The following PRKCH variants were observed in gnomAD, a reference collection of about 807,000 sequenced individuals.
PRKCH encodes protein kinase C eta.
A neutral mutation model predicts 82.5 loss-of-function variants in PRKCH; 28 were observed. That is an observed-to-expected ratio of 0.34 (90% CI 0.25 to 0.47). The LOEUF (loss-of-function observed/expected upper bound fraction) is 0.47. PRKCH is among the 20% of genes least tolerant of loss of function. The probability of loss-of-function intolerance (pLI) is 1.00; values close to 1 mark genes in which losing one functional copy is unlikely to be tolerated. For missense variants in PRKCH, 705 were observed against 881.8 expected, an observed-to-expected ratio of 0.80 and a Z score of 2.54; for synonymous variants, 322 against 327.4, an observed-to-expected ratio of 0.98 and a Z score of 0.18.
At chr14:61,450,751 C>T in intron 5 of PRKCH, 91 bp from the exon 6 acceptor site, 1 of 1,467,884 alleles carries the variant, frequency 6.8e-7, no homozygotes, top group Non-Finnish European at 9.3e-7. Context: ...GTCATAGTGA[C>T]ACTTTGCATT....
intron 9 of PRKCH, among the ~76,000 whole-genome samples, chr14:61,466,573 G>C (rs1164290137): frequency 6.6e-6 from 1 of 152,230 alleles, no homozygotes; most frequent in Non-Finnish European, 1.5e-5. Flanking sequence ...CTGAGGCTTT[G>C]TTCGGAGACC....
chr14:61,334,234 T>A (rs2140130449), intron 1 of PRKCH, among the ~76,000 whole-genome samples: 1 of 152,044 alleles, frequency 6.6e-6, no homozygotes, highest in East Asian at 1.9e-4. Context: ...CTGTTCTAGG[T>A]GTTACAGGTA....
intron 1 of PRKCH, among the ~76,000 whole-genome samples, chr14:61,369,462 C>T (rs999533024): frequency 6.6e-6 from 1 of 152,066 alleles, no homozygotes; most frequent in Non-Finnish European, 1.5e-5. Flanking sequence ...TTTTTGTTTG[C>T]TTTGCTTCGC....
intron 1 of PRKCH, among the ~76,000 whole-genome samples, chr14:61,341,442 G>A (rs1022233128): frequency 6.6e-6 from 1 of 152,072 alleles, no homozygotes; most frequent in Non-Finnish European, 1.5e-5. Context: ...CCATAAACAG[G>A]CCTGAGCATG....
At chr14:61,453,810 T>C (rs1334553725) in intron 7 of PRKCH, among the ~76,000 whole-genome samples, 1 of 151,704 alleles carries the variant, frequency 6.6e-6, no homozygotes, top group Non-Finnish European at 1.5e-5. Context: ...TGCACCACTA[T>C]GTCAGGGTAA....
intron 1 of PRKCH, among the ~76,000 whole-genome samples, chr14:61,313,925 C>T (rs1362776948): frequency 2.6e-5 from 4 of 152,180 alleles, no homozygotes; most frequent in Non-Finnish European, 5.9e-5. Flanking sequence ...ACATCACGAT[C>T]CTTCTGTTTT....
chr14:61,304,438 A>G (rs1005531683), intron 1 of PRKCH: 7 of 152,104 alleles, frequency 4.6e-5, no homozygotes, highest in African/African-American at 1.7e-4. Flanking sequence ...CACCGCCCCC[A>G]ATTCTTCTAT....
intron 1 of PRKCH, among the ~76,000 whole-genome samples, chr14:61,363,696 G>T (rs979147959): frequency 2.0e-5 from 3 of 152,098 alleles, no homozygotes; most frequent in African/African-American, 7.2e-5. Flanking sequence ...CCTAGAGGTG[G>T]TAGTTAGAGC....
At chr14:61,220,987 C>T (rs1281003255) in intron 1 of PRKCH, among the ~76,000 whole-genome samples, 1 of 152,108 alleles carries the variant, frequency 6.6e-6, no homozygotes, top group Non-Finnish European at 1.5e-5. Context: ...AATCTTATTA[C>T]TTGGTGCCGC....
chr14:61,498,028 A>T (rs547396464), intron 10 of PRKCH, among the ~76,000 whole-genome samples: 88 of 151,884 alleles, frequency 5.8e-4, no homozygotes, highest in Non-Finnish European at 1.1e-3. Context: ...TTATTTATTT[A>T]TTTAGAGATG....
At chr14:61,414,575 G>A (rs2140237254) in intron 2 of PRKCH, among the ~76,000 whole-genome samples, 1 of 146,084 alleles carries the variant, frequency 6.8e-6, no homozygotes, top group East Asian at 2.0e-4. Flanking sequence ...GCCCGGCATG[G>A]GCTTCATTTA....
chr14:61,206,808 GAAA>G, intron 1 of PRKCH, among the ~76,000 whole-genome samples: 1 of 147,084 alleles, frequency 6.8e-6, no homozygotes, highest in East Asian at 2.0e-4. Context: ...ATTAGAAAAA[GAAA>G]AAAAAAAGAT....
chr14:61,292,970 A>G (rs1445094553), intron 1 of PRKCH, among the ~76,000 whole-genome samples: 3 of 152,136 alleles, frequency 2.0e-5, no homozygotes, highest in African/African-American at 7.2e-5. Flanking sequence ...TCTGCTCACA[A>G]AACCAGGTGA....
chr14:61,337,583 G>A (rs913071161), intron 1 of PRKCH, among the ~76,000 whole-genome samples: 5 of 152,088 alleles, frequency 3.3e-5, no homozygotes, highest in Admixed American at 2.0e-4. Context: ...ACCGTGGTTG[G>A]CTAATTAGAA....
chr14:61,270,743 A>T (rs2045144267), intron 1 of PRKCH, among the ~76,000 whole-genome samples: 1 of 152,138 alleles, frequency 6.6e-6, no homozygotes, highest in East Asian at 1.9e-4. Flanking sequence ...GAGACTGAGG[A>T]GGGAGGACTG....
intron 12 of PRKCH, chr14:61,544,980 A>G (rs1038130207): frequency 6.6e-6 from 1 of 152,190 alleles, no homozygotes; most frequent in Non-Finnish European, 1.5e-5. Flanking sequence ...GTTCTCAGCT[A>G]TTGTCTCAGC....
intron 2 of PRKCH, among the ~76,000 whole-genome samples, chr14:61,408,526 C>T (rs1196597696): frequency 6.6e-6 from 1 of 152,132 alleles, no homozygotes; most frequent in African/African-American, 2.4e-5. Context: ...GGACTTGGTT[C>T]TGCTGCCTGT....
chr14:61,517,266 C>T (rs547513634), intron 10 of PRKCH, among the ~76,000 whole-genome samples: 2 of 151,718 alleles, frequency 1.3e-5, no homozygotes, highest in East Asian at 1.9e-4. Flanking sequence ...TATGCAAGGC[C>T]GTGCACTGGG....
At chr14:61,265,007 C>T (rs775750290) in intron 1 of PRKCH, among the ~76,000 whole-genome samples, 5 of 152,042 alleles carry the variant, frequency 3.3e-5, no homozygotes, top group Admixed American at 1.3e-4. Flanking sequence ...TTCCCTACCA[C>T]GTGTTGAGGA....
Sources: gnomAD v4.1 joint callset for allele counts (sites outside exome capture counted in the v4.1 genomes callset) on GRCh38, gnomAD v4.1.1 for gene constraint, MANE v1.5 for transcripts, NCBI Gene and HGNC (gene_info 2026-07-23, HGNC 2026-07-21) for gene names.